Variants in CLSPN observed in about 807,000 individuals in gnomAD.
The protein encoded by CLSPN is claspin, also known as claspin homolog.
CLSPN carries 85 observed loss-of-function variants against 156.3 expected under a neutral mutation model. That is an observed-to-expected ratio of 0.54 (90% confidence interval 0.46 to 0.65). The LOEUF is 0.65. CLSPN is among the 30% of genes least tolerant of loss of function. The pLI is 0.00. For missense variants in CLSPN, 1,407 were observed against 1,554.9 expected (o/e 0.90, Z 1.60); for synonymous variants, 534 against 542.4 (o/e 0.98, Z 0.22).
Position 35,746,725 on chromosome 1 carries a change from C to A in CLSPN, c.2854+41G>T, listed in dbSNP as rs57197485. The A allele has an allele frequency of 1.1e-3, 1,520 of 1,372,524 alleles. 11 individuals are homozygous for A. In the African/African-American group the frequency reaches 0.02, roughly 18 times the overall value. 85.0% of individuals were successfully genotyped at this position (1,372,524 alleles called of 1,614,324 possible). A position where few individuals can be genotyped will look rare whatever the true frequency, so the allele number is the denominator to read the frequency against. ...GGAATTCTTTTCAAGGGCACTGATA[C>A]TTGGGTGTGGTAAGCTTGATACTCT... On this transcript the variant is annotated intron_variant, in intron 15 of 24. Coordinates refer to ENST00000318121, the MANE Select transcript of CLSPN (RefSeq NM_022111.4). This position sits in a 1 kb window ranked among gnomAD's most constrained non-coding sequence, Gnocchi z 4.2.
rs142993381 is a variant in CLSPN, at chr1:35,764,255, T to C, written c.582+11A>G. The C allele has an allele frequency of 7.5e-5, 114 of 1,527,680 alleles. No individual in the cohort carries two copies. In the Middle Eastern group the frequency reaches 1.7e-3, roughly 23 times the overall value. 94.6% of individuals were successfully genotyped at this position (1,527,680 alleles called of 1,614,324 possible). ...TACCCAAGCAATAGCAAATTATTCT[T>C]TAAAATGTACCTGGTTTTTTGTTTC... On this transcript the variant is annotated intron_variant, in intron 3 of 24. Transcript: ENST00000318121.
At position 35,739,245 on chromosome 1, in the gene CLSPN, C is replaced by G. The variant is rs1481786782; in HGVS notation, c.3321G>C (p.Leu1107Phe). Residue 1107 changes from leucine (L) to phenylalanine (F), a missense_variant, in exon 20 of 25, where the codon TTG becomes TTC. Transcript: ENST00000318121. ...QIKKIHMKTM[L>F]DDDKRQLRLY... The stretch of plus-strand genomic sequence containing the variant: ...AACGTAGCTGTCGCTTATCATCATC[C>G]AACATAGTTTTCCTGCAACAGGAGA... 1.2e-6 allele frequency: 2 copies of G among 1,614,186 alleles called. No homozygotes were observed. The highest frequency in any genetic ancestry group is 1.7e-6 in the Non-Finnish European group (2 of 1,180,042).
rs576525842 is a variant in CLSPN at position 35,745,799 on chromosome 1, C to T, written c.2855-237G>A. Among the ~76,000 whole-genome samples the T allele has an allele frequency of 9.9e-5, 15 of 152,224 alleles. No individual in the cohort carries two copies. In the East Asian group the frequency reaches 2.1e-3, roughly 22 times the overall value. ...TCCCAGGTCTCATAGAGCTTATGTT[C>T]GATCTAGCAGTTGTGTGTATTGGGG... On this transcript the variant is annotated intron_variant, in intron 15 of 24. Coordinates refer to ENST00000318121, the MANE Select transcript of CLSPN (RefSeq NM_022111.4).
rs768792255 is a variant in CLSPN at position 35,736,916 on chromosome 1, GAGACTT to G, written c.3901_3906del (p.Lys1301_Ser1302del). 4 of 1,613,430 alleles carry G rather than the reference GAGACTT, an allele frequency of 2.5e-6. No homozygotes were observed. The highest frequency in any genetic ancestry group is 3.4e-6 in the Non-Finnish European group (4 of 1,179,750). ...ATATTAGTTCTCAAATTCCATACCT[GAGACTT>G]AGACGATTCCTTTGCCGCCTCAGCC... On this transcript the variant is annotated inframe_deletion, in exon 24 of 25. Transcript: ENST00000318121.
At position 35,735,796 on chromosome 1, in the gene CLSPN, T is replaced by C; in HGVS notation, c.*700A>G. The C allele has an allele frequency of 1.2e-5, 12 of 985,264 alleles. No individual in the cohort carries two copies. Among genetic ancestry groups the C allele is most frequent in the Non-Finnish European group, 1.4e-5 (12 of 829,894 alleles). The allele number at this position is 985,264 out of a possible 1,614,324, so 61.0% of individuals were successfully genotyped here. A position where few individuals can be genotyped will look rare whatever the true frequency, so the allele number is the denominator to read the frequency against. ...TAAAGGAGTCATTATGGTACTGATT[T>C]TCACTGTTTAATCTGTAATGTCACA... On this transcript the variant is annotated 3_prime_UTR_variant, in exon 25 of 25. Coordinates refer to ENST00000318121, the MANE Select transcript of CLSPN (RefSeq NM_022111.4).
chr1:35,769,486 C>T (rs571686850), intron 1 of CLSPN, among the ~76,000 whole-genome samples: 82 of 152,362 alleles, frequency 5.4e-4, no homozygotes, highest in African/African-American at 1.8e-3. Flanking sequence ...TCGGCTAGAG[C>T]CTCCCGGCTT....
chr1:35,764,511 T>C lies in CLSPN; in HGVS notation c.337A>G (p.Ser113Gly), dbSNP rs1436104377. 1 of 1,614,032 alleles carries C rather than the reference T, an allele frequency of 6.2e-7. No homozygotes were observed. The highest frequency in any genetic ancestry group is 1.1e-5 in the South Asian group (1 of 91,080). Residue 113 changes from serine to glycine, a missense_variant, in exon 3 of 25, where the codon AGT becomes GGT. Ser to Gly is a moderately conservative substitution (Grantham distance 56, BLOSUM62 0). This residue lies in a region of CLSPN where 1,096 missense variants were observed against 1,193.0 expected (regional missense o/e 0.92). Coordinates refer to ENST00000318121, the MANE Select transcript of CLSPN (RefSeq NM_022111.4). The stretch of plus-strand genomic sequence containing the variant: ...TGATACAAAGACTTTTCCATGTAAC[T>C]TTCATCACTGTCTGCCACAGTTTTG... ...IYKTVADSDE[S>G]YMEKSLYQEN...
intron 2 of CLSPN, 22 bp from the exon 3 acceptor site, chr1:35,764,736 T>G (rs1321250738): frequency 6.8e-7 from 1 of 1,476,474 alleles, no homozygotes; most frequent in Non-Finnish European, 9.1e-7. Context: ...AATTTTCTTT[T>G]AATTATACCA....
chr1:35,748,629 A>G, intron 12 of CLSPN, 25 bp from the exon 13 acceptor site: 1 of 1,581,230 alleles, frequency 6.3e-7, no homozygotes, highest in Non-Finnish European at 8.7e-7. Context: ...ACACCTTTTA[A>G]GCACATGATT....
chr1:35,758,323 C>T (rs577552532), intron 8 of CLSPN, among the ~76,000 whole-genome samples: 1 of 152,118 alleles, frequency 6.6e-6, no homozygotes, highest in East Asian at 1.9e-4. Context: ...GAATTACAGG[C>T]ATAAGCCACT....
At chr1:35,726,247 C>T (rs1641188028) in intron 24 of CLSPN, among the ~76,000 whole-genome samples, 1 of 145,806 alleles carries the variant, frequency 6.9e-6, no homozygotes, top group Admixed American at 7.1e-5. Flanking sequence ...AAGTAACTGA[C>T]AGGTGATGGG....
Position 35,769,952 on chromosome 1 carries a change from C to T in CLSPN, c.-82G>A, listed in dbSNP as rs1460949532. The T allele has an allele frequency of 9.7e-6, 15 of 1,548,218 alleles. No individual in the cohort carries two copies. The highest frequency in any genetic ancestry group is 1.7e-5 in the Admixed American group (1 of 58,070). ...CGGAGAGCAGCGGCTCCCGCCGTCTCCAGCCCAGCAGTGCTGTTCTTGCTT... is the reference window on the plus strand; with the variant it reads ...CGGAGAGCAGCGGCTCCCGCCGTCTTCAGCCCAGCAGTGCTGTTCTTGCTT... On this transcript the variant is annotated 5_prime_UTR_variant, in exon 1 of 25. Transcript: ENST00000318121.
At chr1:35,758,669 G>A (rs1478571139) in intron 8 of CLSPN, among the ~76,000 whole-genome samples, 1 of 151,846 alleles carries the variant, frequency 6.6e-6, no homozygotes, top group Non-Finnish European at 1.5e-5. Context: ...AAGTCTTGAT[G>A]TGAACCATTT....
chr1:35,768,712 C>A (rs979300931), intron 1 of CLSPN, among the ~76,000 whole-genome samples: 1 of 152,038 alleles, frequency 6.6e-6, no homozygotes, highest in African/African-American at 2.4e-5. Flanking sequence ...TATGTATGCA[C>A]TGATGATCCT....
chr1:35,733,184 T>A lies in CLSPN; in HGVS notation c.*3312A>T, dbSNP rs1304263157. 2.0e-5 allele frequency among the ~76,000 whole-genome samples: 3 copies of A among 151,944 alleles called. No individual in the cohort carries two copies. The highest frequency in any genetic ancestry group is 4.4e-5 in the Non-Finnish European group (3 of 67,992). On this transcript the variant is annotated 3_prime_UTR_variant, in exon 25 of 25. Coordinates refer to ENST00000318121, the MANE Select transcript of CLSPN (RefSeq NM_022111.4). ...GGTTTCACCTTGTTGGTCAGTCTGG[T>A]CTCCAACTCCTGACCTTAGGTGATC...
In CLSPN at chr1:35,726,152, C is replaced by CA. The variant is rs3041363; in HGVS notation, c.3910-5173dup. Among the ~76,000 whole-genome samples, 293 of 48,194 alleles carry CA rather than the reference C, an allele frequency of 6.1e-3. 27 individuals are homozygous for CA. The highest frequency in any genetic ancestry group is 0.021 in the African/African-American group (261 of 12,602). 31.6% of individuals were successfully genotyped at this position (48,194 alleles called of 152,430 possible). ...ACACACCCATAGAAACAGATGCAGACAAAAAAAAAAAAAAAAAAAAAAAGC... is the reference window on the plus strand; with the variant it reads ...ACACACCCATAGAAACAGATGCAGACAAAAAAAAAAAAAAAAAAAAAAAAGC... On this transcript the variant is annotated intron_variant, in intron 24 of 24. Coordinates refer to the CLSPN transcript ENST00000251195.
At chr1:35,731,276 T>A (rs1181353242), downstream of CLSPN, among the ~76,000 whole-genome samples, 1 of 151,776 alleles carries the variant, frequency 6.6e-6, no homozygotes, top group Non-Finnish European at 1.5e-5. Context: ...GAAATTAGGC[T>A]TAAGCTAACA....
rs1317625282 is a variant in CLSPN, at chr1:35,760,893, T to C, written c.1028A>G (p.His343Arg). 1 of 1,611,278 alleles carries C rather than the reference T, an allele frequency of 6.2e-7. No homozygotes were observed. Among genetic ancestry groups the C allele is most frequent in the Admixed American group, 1.7e-5 (1 of 59,840 alleles). ...LLKSSKYQSS[H>R]HKEIIDTANT... ...TGCAGTGTCTATGATTTCTTTGTGATGGCTTGACTGATATTTAGATGACCT... is the reference window on the plus strand; with the variant it reads ...TGCAGTGTCTATGATTTCTTTGTGACGGCTTGACTGATATTTAGATGACCT... The change falls in exon 8 of 25, where the codon CAT (histidine) becomes CGT (arginine). Residue 343 changes from histidine (H) to arginine (R), a missense_variant. His to Arg is a conservative substitution (Grantham distance 29). Coordinates refer to ENST00000318121, the MANE Select transcript of CLSPN (RefSeq NM_022111.4).
At position 35,766,840 on chromosome 1, in the gene CLSPN, C is replaced by T. The variant is rs928841041; in HGVS notation, c.25-1514G>A. On this transcript the variant is annotated intron_variant, in intron 1 of 24. Transcript: ENST00000318121. ...CACGATCTTGGCTCCCTACAACCTC[C>T]GCCTCCTGGGTTCAAGCGATTCTCC... Among the ~76,000 whole-genome samples, 6 of 150,070 alleles carry T rather than the reference C, an allele frequency of 4.0e-5. No individual in the cohort carries two copies. The East Asian group carries it at 8.0e-4, about 20-fold the overall frequency.
Sources: gnomAD v4.1 joint callset for allele counts (sites outside exome capture counted in the v4.1 genomes callset) on GRCh38, gnomAD v4.1.1 for gene constraint, gnomAD v4.1.1 regional missense constraint, Gnocchi (gnomAD v3.1) non-coding constraint, MANE v1.5 for transcripts, NCBI Gene and HGNC (gene_info 2026-07-23, HGNC 2026-07-21) for gene names.